The following PARN variants were observed in gnomAD, a reference collection of about 807,000 sequenced individuals.
PARN encodes the protein poly(A)-specific ribonuclease PARN.
In PARN, 71 loss-of-function variants were observed where a neutral mutation model predicts 102.8. That is an observed-to-expected ratio of 0.69 (90% CI 0.57 to 0.84). The LOEUF is 0.84. PARN is among the 40% of genes least tolerant of loss of function. PARN has a pLI of 0.00. For missense variants in PARN, 782 were observed against 760.9 expected, an observed-to-expected ratio of 1.03 and a Z score of -0.33; for synonymous variants, 261 against 252.9, an observed-to-expected ratio of 1.03 and a Z score of -0.30.
At chr16:14,462,701 C>T (rs919524975) in intron 22 of PARN, among the ~76,000 whole-genome samples, 1 of 152,086 alleles carries the variant, frequency 6.6e-6, no homozygotes, top group African/African-American at 2.4e-5. Flanking sequence ...TAAAAAGGAT[C>T]TTGAATAAAA....
At chr16:14,504,475 C>G (rs1400720996) in intron 21 of PARN, among the ~76,000 whole-genome samples, 1 of 152,158 alleles carries the variant, frequency 6.6e-6, no homozygotes, top group Non-Finnish European at 1.5e-5. Flanking sequence ...AGGAAAATAG[C>G]TTGAACCCAG....
intron 2 of PARN, 109 bp from the exon 3 acceptor site, chr16:14,628,360 T>C: frequency 1.5e-6 from 1 of 657,142 alleles, no homozygotes; most frequent in Non-Finnish European, 2.7e-6. Flanking sequence ...TAAGGTTACT[T>C]GGAAGCACTC....
intron 21 of PARN, among the ~76,000 whole-genome samples, chr16:14,523,081 A>C (rs1435931172): frequency 6.6e-6 from 1 of 152,200 alleles, no homozygotes; most frequent in Non-Finnish European, 1.5e-5. Context: ...AATACTTAAC[A>C]AAAAAGGAAA....
chr16:14,602,816 C>T (rs981440425), intron 11 of PARN, among the ~76,000 whole-genome samples: 2 of 152,098 alleles, frequency 1.3e-5, no homozygotes, highest in East Asian at 1.9e-4. Flanking sequence ...CTCTCTGCCT[C>T]GCCCTCTCAG....
At chr16:14,439,803 C>G (rs1960869119) in intron 23 of PARN, among the ~76,000 whole-genome samples, 2 of 152,244 alleles carry the variant, frequency 1.3e-5, no homozygotes, top group Admixed American at 6.5e-5. Flanking sequence ...ATCACGAGGT[C>G]AGGGGTTCGA....
chr16:14,511,597 G>A (rs1174408233), intron 21 of PARN, among the ~76,000 whole-genome samples: 2 of 152,068 alleles, frequency 1.3e-5, no homozygotes, highest in African/African-American at 2.4e-5. Flanking sequence ...TGAGACATAC[G>A]GTTCTTCTCT....
At chr16:14,513,283 C>T (rs750178655) in intron 21 of PARN, among the ~76,000 whole-genome samples, 2 of 152,110 alleles carry the variant, frequency 1.3e-5, no homozygotes, top group South Asian at 2.1e-4. Context: ...AAATCATTAA[C>T]GTAATATAAA....
chr16:14,462,479 C>T (rs1962044563), intron 22 of PARN, among the ~76,000 whole-genome samples: 1 of 151,936 alleles, frequency 6.6e-6, no homozygotes, highest in South Asian at 2.1e-4. Flanking sequence ...ATATATTTCC[C>T]ACAAAATAAA....
At chr16:14,589,473 G>C (rs1424857218) in intron 13 of PARN, among the ~76,000 whole-genome samples, 2 of 152,058 alleles carry the variant, frequency 1.3e-5, no homozygotes, top group East Asian at 3.9e-4. Context: ...GCTGAGGTAG[G>C]AGTATCACTT....
At chr16:14,593,586 A>G (rs1299528147) in intron 12 of PARN, among the ~76,000 whole-genome samples, 1 of 151,918 alleles carries the variant, frequency 6.6e-6, no homozygotes, top group Non-Finnish European at 1.5e-5. Flanking sequence ...TAAATCCAGA[A>G]AGCAAAGTGA....
intron 11 of PARN, among the ~76,000 whole-genome samples, chr16:14,603,095 T>G (rs1223293395): frequency 6.6e-6 from 1 of 152,018 alleles, no homozygotes; most frequent in Non-Finnish European, 1.5e-5. Flanking sequence ...TAATTTTTTT[T>G]GTATTTTTTG....
chr16:14,533,608 G>A (rs1966479706), intron 21 of PARN, among the ~76,000 whole-genome samples: 1 of 152,148 alleles, frequency 6.6e-6, no homozygotes, highest in South Asian at 2.1e-4. Flanking sequence ...CATGCCAAAG[G>A]ATGTGCTGGT....
chr16:14,565,040 C>G (rs1442316471), intron 18 of PARN: 2 of 152,184 alleles, frequency 1.3e-5, no homozygotes, highest in Non-Finnish European at 2.9e-5. Flanking sequence ...ACTGTACTTG[C>G]AAACGGTCTT....
chr16:14,528,768 C>T (rs559491865), intron 21 of PARN, among the ~76,000 whole-genome samples: 1 of 152,162 alleles, frequency 6.6e-6, no homozygotes, highest in Non-Finnish European at 1.5e-5. Context: ...ACTCAGGTTA[C>T]ATCAAACACC....
chr16:14,606,390 C>A lies in PARN; in HGVS notation c.702+94G>T, dbSNP rs1272517047. On this transcript the variant is annotated intron_variant, in intron 10 of 23. Coordinates refer to ENST00000437198, the MANE Select transcript of PARN (RefSeq NM_002582.4). ...CCAGCCTGGGTAATCAGAGAAAGAC[C>A]CTGAGGGAAAAAAAAAAAGAAAAAA... 37 of 627,032 alleles carry A rather than the reference C, an allele frequency of 5.9e-5. No homozygotes were observed. In the East Asian group the frequency reaches 9.2e-4, roughly 16 times the overall value. The allele number at this position is 627,032 out of a possible 1,614,324, so 38.8% of individuals were successfully genotyped here.
chr16:14,603,642 G>T (rs1971008368), intron 11 of PARN, among the ~76,000 whole-genome samples: 1 of 151,986 alleles, frequency 6.6e-6, no homozygotes, highest in African/African-American at 2.4e-5. Context: ...CCTACGCCAG[G>T]TCACCAACAT....
intron 16 of PARN, 141 bp from the exon 17 acceptor site, chr16:14,582,432 T>A: frequency 1.6e-6 from 1 of 622,718 alleles, no homozygotes; most frequent in East Asian, 2.7e-5. Context: ...ATTCTCTCTA[T>A]ATAAGACCTT....
chr16:14,627,155 A>G lies in PARN; in HGVS notation c.278T>C (p.Phe93Ser). 1 of 1,606,514 alleles carries G rather than the reference A, an allele frequency of 6.2e-7. No homozygotes were observed. The highest frequency in any genetic ancestry group is 8.5e-7 in the Non-Finnish European group (1 of 1,174,236). The change falls in exon 5 of 24, where the codon TTC becomes TCC. Residue 93 changes from phenylalanine (F) to serine (S), a missense_variant. Coordinates refer to ENST00000437198, the MANE Select transcript of PARN (RefSeq NM_002582.4). ...YITKSFNFYV[F>S]PKPFNRSSPD... ...TGAGGATCTATTGAAGGGTTTCGGG[A>G]AAACATAGAAGTTAAATGACTTCGT...
intron 21 of PARN, among the ~76,000 whole-genome samples, chr16:14,544,736 C>T (rs1443797322): frequency 6.6e-6 from 1 of 152,062 alleles, no homozygotes; most frequent in East Asian, 1.9e-4. Context: ...AAAGACAAAA[C>T]AATCATAAAT....
Sources: allele counts gnomAD v4.1 joint callset (sites outside exome capture counted in the v4.1 genomes callset), GRCh38; gene constraint gnomAD v4.1.1; transcripts MANE v1.5; gene names NCBI Gene and HGNC (gene_info 2026-07-23, HGNC 2026-07-21).